NRXN1: variants seen among roughly 807,000 people sequenced by gnomAD.
NRXN1 encodes neurexin-1.
NRXN1 carries 39 observed loss-of-function variants against 150.9 expected under a neutral mutation model. The observed-to-expected ratio is 0.26, with a 90% CI of 0.20 to 0.34. The LOEUF is 0.34. Among genes scored for constraint, NRXN1 ranks in the 10% least tolerant of loss-of-function variants. NRXN1 has a pLI of 1.00. For synonymous variants in NRXN1, 924 were observed against 757.0 expected, an observed-to-expected ratio of 1.22 and a Z score of -3.62; for missense variants, 1,815 against 1,949.9, an observed-to-expected ratio of 0.93 and a Z score of 1.30.
intron 17 of NRXN1, among the ~76,000 whole-genome samples, chr2:50,264,550 A>G (rs1232750718): frequency 1.3e-5 from 2 of 152,008 alleles, no homozygotes; most frequent in Non-Finnish European, 2.9e-5. Flanking sequence ...TATATCATAT[A>G]TATGTTAAAT....
In NRXN1 at chr2:50,552,966, A is replaced by T. The variant is rs1333718344; in HGVS notation, c.1380T>A (p.Asp460Glu). Reference protein sequence around the residue: ...LELSRLAKQGDPKMKIHGVVA... With the variant: ...LELSRLAKQGEPKMKIHGVVA... The stretch of plus-strand genomic sequence containing the variant: ...CCACTCCATGGATCTTCATCTTAGG[A>T]TCTCCTTGCTTGGCAAGTCGAGATA... Residue 460 changes from aspartate to glutamate, a missense_variant, in exon 9 of 23, where the codon GAT becomes GAA. Transcript: ENST00000401669. 1 of 1,613,626 alleles carries T rather than the reference A, an allele frequency of 6.2e-7. No individual in the cohort carries two copies. Among genetic ancestry groups the T allele is most frequent in the East Asian group, 2.2e-5 (1 of 44,872 alleles).
intron 5 of NRXN1, among the ~76,000 whole-genome samples, chr2:50,793,863 T>A (rs1706415159): frequency 6.6e-6 from 1 of 152,096 alleles, no homozygotes; most frequent in African/African-American, 2.4e-5. Context: ...GTACTTTTTT[T>A]AATCAGCAAA....
intron 5 of NRXN1, among the ~76,000 whole-genome samples, chr2:50,762,087 A>G (rs1006599948): frequency 1.3e-5 from 2 of 148,862 alleles, no homozygotes; most frequent in African/African-American, 5.0e-5. Flanking sequence ...GTGAATCAAT[A>G]CTCCTTAATA....
chr2:50,922,236 T>C (rs1469371824), intron 4 of NRXN1, among the ~76,000 whole-genome samples: 1 of 151,866 alleles, frequency 6.6e-6, no homozygotes, highest in Non-Finnish European at 1.5e-5. Context: ...GTCTGCATGT[T>C]CCCAAACTGT....
At chr2:50,909,757 G>T (rs937955768) in intron 5 of NRXN1, among the ~76,000 whole-genome samples, 7 of 151,864 alleles carry the variant, frequency 4.6e-5, no homozygotes, top group Non-Finnish European at 7.4e-5. Context: ...TTTTTCCATG[G>T]TATATTCTCT....
chr2:50,540,902 T>C (rs891620888), intron 9 of NRXN1, among the ~76,000 whole-genome samples: 12 of 152,210 alleles, frequency 7.9e-5, no homozygotes, highest in African/African-American at 2.9e-4. Flanking sequence ...CCTCAAGTGA[T>C]CCACCCACCT....
intron 21 of NRXN1, among the ~76,000 whole-genome samples, chr2:49,979,906 GT>G (rs958895922): frequency 1.5e-4 from 10 of 65,984 alleles, no homozygotes; most frequent in East Asian, 3.4e-4. Context: ...TGTTTTTTTG[GT>G]TTTTTTTTTC....
chr2:50,681,867 T>C (rs1046948855), intron 5 of NRXN1, among the ~76,000 whole-genome samples: 11 of 96,000 alleles, frequency 1.1e-4, no homozygotes, highest in African/African-American at 2.7e-4. Context: ...GAAATCAGCA[T>C]AGTAATTAAA....
chr2:50,263,074 TATC>T (rs1336036961), intron 17 of NRXN1, among the ~76,000 whole-genome samples: 1 of 151,896 alleles, frequency 6.6e-6, no homozygotes, highest in Non-Finnish European at 1.5e-5. Context: ...GAATTTTGTC[TATC>T]ATCTCACTTT....
intron 17 of NRXN1, among the ~76,000 whole-genome samples, chr2:50,283,390 C>T (rs1231564051): frequency 6.6e-6 from 1 of 152,098 alleles, no homozygotes; most frequent in African/African-American, 2.4e-5. Flanking sequence ...ATGAGGAGTT[C>T]TTTAAAAATT....
chr2:50,026,859 C>CTTTTTTTTTTTCTTTTTTTTT (rs1688383212), intron 21 of NRXN1, among the ~76,000 whole-genome samples: 1 of 65,234 alleles, frequency 1.5e-5, no homozygotes, highest in Non-Finnish European at 2.7e-5. Context: ...CTTTTCTTTT[C>CTTTTTTTTTTTCTTTTTTTTT]TTTTTTTTTT....
At chr2:49,963,253 G>A (rs1215127674) in intron 21 of NRXN1, among the ~76,000 whole-genome samples, 1 of 152,080 alleles carries the variant, frequency 6.6e-6, no homozygotes, top group Non-Finnish European at 1.5e-5. Flanking sequence ...GAAAAATAAT[G>A]GCTGGTGACT....
At chr2:50,534,146 T>C (rs1311911538) in intron 10 of NRXN1, among the ~76,000 whole-genome samples, 1 of 151,814 alleles carries the variant, frequency 6.6e-6, no homozygotes, top group Non-Finnish European at 1.5e-5. Context: ...CACAGTGAGC[T>C]AATTTCAATT....
intron 2 of NRXN1, among the ~76,000 whole-genome samples, chr2:50,972,830 G>A (rs1006369190): frequency 2.6e-5 from 4 of 152,180 alleles, no homozygotes; most frequent in Non-Finnish European, 2.9e-5. Context: ...GGGAGCGGCT[G>A]TAAATACCTG....
intron 5 of NRXN1, among the ~76,000 whole-genome samples, chr2:50,852,554 A>T (rs909802275): frequency 2.0e-5 from 3 of 152,144 alleles, no homozygotes; most frequent in Non-Finnish European, 4.4e-5. Context: ...TTAACAACTG[A>T]ATTACTCTGA....
chr2:49,933,332 C>T (rs569435283), intron 22 of NRXN1, among the ~76,000 whole-genome samples: 4 of 152,116 alleles, frequency 2.6e-5, no homozygotes, highest in South Asian at 2.1e-4. Flanking sequence ...ATGATCCGCC[C>T]GCCTCGGCCT....
chr2:50,094,507 G>C (rs1699967051), intron 18 of NRXN1, among the ~76,000 whole-genome samples: 1 of 152,144 alleles, frequency 6.6e-6, no homozygotes, highest in Admixed American at 6.5e-5. Flanking sequence ...TTGGTGGGTG[G>C]CAGCGGTCAA....
intron 18 of NRXN1, among the ~76,000 whole-genome samples, chr2:50,093,556 G>A (rs1372527211): frequency 6.6e-6 from 1 of 151,854 alleles, no homozygotes; most frequent in Admixed American, 6.6e-5. Context: ...GATCACTTGA[G>A]CCCCGGAGGC....
intron 12 of NRXN1, among the ~76,000 whole-genome samples, chr2:50,526,277 G>A (rs1234085358): frequency 6.6e-6 from 1 of 152,032 alleles, no homozygotes; most frequent in African/African-American, 2.4e-5. Flanking sequence ...TATTTCTTGT[G>A]ATAATTTTCT....
Sources: allele counts gnomAD v4.1 joint callset (sites outside exome capture counted in the v4.1 genomes callset), GRCh38; gene constraint gnomAD v4.1.1; transcripts MANE v1.5; gene names NCBI Gene and HGNC (gene_info 2026-07-23, HGNC 2026-07-21).